The following CCSER1 variants were observed in gnomAD, a reference collection of about 807,000 sequenced individuals.
CCSER1 encodes the protein serine-rich coiled-coil domain-containing protein 1.
Under a neutral mutation model 82.0 loss-of-function variants are expected in CCSER1, and 41 were observed. The ratio of observed to expected loss-of-function variants is 0.50; its 90% confidence interval spans 0.39 to 0.65. The LOEUF is 0.65. Among genes scored for constraint, CCSER1 ranks in the 30% least tolerant of loss-of-function variants. The pLI, the probability that CCSER1 is intolerant of heterozygous loss-of-function variation, is 0.00. For synonymous variants in CCSER1, 414 were observed against 383.9 expected, an observed-to-expected ratio of 1.08 and a Z score of -0.92; for missense variants, 1,119 against 1,064.2, an observed-to-expected ratio of 1.05 and a Z score of -0.72.
At chr4:91,268,403 C>G (rs914709454) in intron 10 of CCSER1, among the ~76,000 whole-genome samples, 2 of 152,156 alleles carry the variant, frequency 1.3e-5, no homozygotes, top group African/African-American at 4.8e-5. Flanking sequence ...GAAATTATCT[C>G]ACAAATCTGT....
At chr4:91,464,425 C>G (rs1329261402) in intron 10 of CCSER1, among the ~76,000 whole-genome samples, 6 of 152,136 alleles carry the variant, frequency 3.9e-5, no homozygotes, top group Admixed American at 6.6e-5. Context: ...ACCATCGATG[C>G]TAAGAAGAAA....
At chr4:91,116,273 G>A (rs970519327) in intron 10 of CCSER1, among the ~76,000 whole-genome samples, 1 of 152,120 alleles carries the variant, frequency 6.6e-6, no homozygotes, top group Non-Finnish European at 1.5e-5. Flanking sequence ...GTCCTTTGTA[G>A]GGACATGGAT....
At chr4:90,493,431 C>A (rs1022641623) in intron 5 of CCSER1, among the ~76,000 whole-genome samples, 1 of 152,014 alleles carries the variant, frequency 6.6e-6, no homozygotes, top group Non-Finnish European at 1.5e-5. Flanking sequence ...AGATACTCCT[C>A]GAGAAGAGCA....
chr4:91,548,046 A>T (rs1296316087), intron 10 of CCSER1, among the ~76,000 whole-genome samples: 2 of 152,080 alleles, frequency 1.3e-5, no homozygotes, highest in Non-Finnish European at 2.9e-5. Flanking sequence ...GCCTCCTAAA[A>T]TCCAAGTGCT....
At chr4:91,576,942 C>T (rs1196113021) in intron 10 of CCSER1, among the ~76,000 whole-genome samples, 1 of 151,690 alleles carries the variant, frequency 6.6e-6, no homozygotes, top group Non-Finnish European at 1.5e-5. Context: ...TCATAGTGTG[C>T]ATGTATATCA....
chr4:90,330,607 G>C (rs1739101430), intron 3 of CCSER1, among the ~76,000 whole-genome samples: 2 of 152,076 alleles, frequency 1.3e-5, no homozygotes, highest in Non-Finnish European at 2.9e-5. Context: ...AAAGAAGTGA[G>C]GCATAGATGC....
In CCSER1 at chr4:90,216,206, C is replaced by T. The variant is rs976742721; in HGVS notation, c.-42+88375C>T. Among the ~76,000 whole-genome samples, 9 of 152,196 alleles carry T rather than the reference C, an allele frequency of 5.9e-5. 1 individual carries two copies. The highest frequency in any genetic ancestry group is 1.9e-4 in the African/African-American group (8 of 41,438). On this transcript the variant is annotated intron_variant, in intron 1 of 10. Transcript: ENST00000509176. ...AATTTAAGGCTTAATCCCGGACCTA[C>T]TGAATCAGAATGCGCTTTTTAACAA...
chr4:91,023,311 A>T (rs1257222763), intron 9 of CCSER1, among the ~76,000 whole-genome samples: 2 of 152,160 alleles, frequency 1.3e-5, no homozygotes, highest in Non-Finnish European at 2.9e-5. Flanking sequence ...AACTACTCTA[A>T]AGTTCATATG....
chr4:91,178,316 G>A (rs913544086), intron 10 of CCSER1, among the ~76,000 whole-genome samples: 3 of 152,124 alleles, frequency 2.0e-5, no homozygotes, highest in East Asian at 1.9e-4. Flanking sequence ...TTCTGTAGAT[G>A]TCTATTAGGT....
chr4:91,165,298 A>ATTT (rs1347700655), intron 10 of CCSER1, among the ~76,000 whole-genome samples: 6 of 152,082 alleles, frequency 3.9e-5, no homozygotes, highest in Non-Finnish European at 8.8e-5. Flanking sequence ...AACAGCAAAT[A>ATTT]CTGCTGCCTG....
At chr4:90,940,454 T>G (rs1335950096) in intron 9 of CCSER1, among the ~76,000 whole-genome samples, 1 of 152,126 alleles carries the variant, frequency 6.6e-6, no homozygotes, top group Admixed American at 6.6e-5. Context: ...ACAGTGTTCA[T>G]TATATAATTT....
intron 9 of CCSER1, among the ~76,000 whole-genome samples, chr4:91,000,122 T>C (rs1737873352): frequency 1.3e-5 from 2 of 152,098 alleles, no homozygotes; most frequent in Non-Finnish European, 1.5e-5. Context: ...TTCTGAGTTA[T>C]CTATTCTGTT....
At chr4:90,555,018 C>G (rs958383972) in intron 5 of CCSER1, among the ~76,000 whole-genome samples, 6 of 151,942 alleles carry the variant, frequency 3.9e-5, no homozygotes, top group African/African-American at 1.5e-4. Flanking sequence ...TTTATTATGC[C>G]AGATGTGAGC....
intron 10 of CCSER1, among the ~76,000 whole-genome samples, chr4:91,346,104 A>G (rs1225056137): frequency 2.0e-5 from 3 of 150,672 alleles, no homozygotes; most frequent in African/African-American, 7.4e-5. Context: ...GCTCACTGCA[A>G]CCTCCACGTC....
chr4:90,892,549 G>A (rs1409954933), intron 8 of CCSER1, among the ~76,000 whole-genome samples: 2 of 151,842 alleles, frequency 1.3e-5, no homozygotes, highest in African/African-American at 4.8e-5. Flanking sequence ...TTGTTCTCAC[G>A]TCTTCAATTT....
chr4:91,544,729 G>C (rs1166930578), intron 10 of CCSER1, among the ~76,000 whole-genome samples: 1 of 152,096 alleles, frequency 6.6e-6, no homozygotes, highest in South Asian at 2.1e-4. Flanking sequence ...CTACTGGGGG[G>C]TGCCTCCCAG....
intron 1 of CCSER1, among the ~76,000 whole-genome samples, chr4:90,257,530 CAGAT>C (rs70963062): frequency 1.2e-3 from 177 of 150,200 alleles, no homozygotes; most frequent in Middle Eastern, 3.4e-3. Flanking sequence ...CAATAGGATA[CAGAT>C]AGATAGATAG....
chr4:91,102,705 TTA>T, intron 10 of CCSER1, among the ~76,000 whole-genome samples: 2 of 134,698 alleles, frequency 1.5e-5, no homozygotes, highest in South Asian at 4.5e-4. Context: ...ATAAACAAAC[TTA>T]CAGTGTTTTT....
chr4:90,999,560 C>T (rs1057141877), intron 9 of CCSER1, among the ~76,000 whole-genome samples: 11 of 152,114 alleles, frequency 7.2e-5, no homozygotes, highest in African/African-American at 1.7e-4. Context: ...GTCTTCTGCC[C>T]GCTTTTTAAT....
Sources: gnomAD v4.1 joint callset for allele counts (sites outside exome capture counted in the v4.1 genomes callset) on GRCh38, gnomAD v4.1.1 for gene constraint, MANE v1.5 for transcripts, NCBI Gene and HGNC (gene_info 2026-07-23, HGNC 2026-07-21) for gene names.